UNC93A: variants seen among roughly 807,000 people sequenced by gnomAD.
UNC93A encodes the protein N-acetylglucosamine transporter UNC93A.
UNC93A carries 43 observed loss-of-function variants against 47.5 expected under a neutral mutation model. That is an observed-to-expected ratio of 0.91 (90% CI 0.71 to 1.17). UNC93A has a LOEUF of 1.17. Among genes scored for constraint, UNC93A ranks in the 50% most tolerant of loss-of-function variants. The pLI is 0.00. For missense variants in UNC93A, 605 were observed against 577.6 expected (o/e 1.05, Z -0.49); for synonymous variants, 280 against 258.0 (o/e 1.09, Z -0.82).
intron 5 of UNC93A, among the ~76,000 whole-genome samples, chr6:167,305,283 G>A (rs1236612906): frequency 6.6e-6 from 1 of 152,214 alleles, no homozygotes; most frequent in African/African-American, 2.4e-5. Flanking sequence ...AATCTTAGGA[G>A]CTTAAAAGAG....
At chr6:167,298,214 A>T in intron 4 of UNC93A, 144 bp downstream of exon 4, 1 of 1,294,944 alleles carries the variant, frequency 7.7e-7, no homozygotes, top group Non-Finnish European at 1.0e-6. Flanking sequence ...GGTCTGGATT[A>T]TATGCAGGCG....
chr6:167,305,908 T>C lies in UNC93A; in HGVS notation c.841-7T>C. On this transcript the variant is annotated splice_region_variant and splice_polypyrimidine_tract_variant and intron_variant, in intron 5 of 7. Coordinates refer to ENST00000230256, the MANE Select transcript of UNC93A (RefSeq NM_018974.4). ...TCCATGACGTGGCTCTGCACCCCTC[T>C]CCCCAGTCCTATGTCACCTGCACCC... 6.2e-7 allele frequency: 1 copy of C among 1,614,036 alleles called. No homozygotes were observed. Among genetic ancestry groups the C allele is most frequent in the African/African-American group, 1.3e-5 (1 of 75,002 alleles).
At position 167,291,503 on chromosome 6, in the gene UNC93A, T is replaced by A; in HGVS notation, c.14T>A (p.Leu5Gln). Reference protein sequence around the residue: MDRSLRNVLVVSFGF... With the variant: MDRSQRNVLVVSFGF... ...TCATCCAGCACAATGGACAGAAGTC[T>A]AAGGAACGTCCTTGTGGTTTCCTTT... Residue 5 changes from leucine (L) to glutamine (Q), a missense_variant, in exon 1 of 8, where the codon CTA becomes CAA. By Grantham distance (113) the Leu-to-Gln change is moderately radical. Coordinates refer to ENST00000230256, the MANE Select transcript of UNC93A (RefSeq NM_018974.4). 6.2e-7 allele frequency: 1 copy of A among 1,613,988 alleles called. No individual in the cohort carries two copies. The highest frequency in any genetic ancestry group is 1.1e-5 in the South Asian group (1 of 90,998).
chr6:167,307,656 G>GGTTCCAGAGGACA (rs540016010), intron 6 of UNC93A, 123 bp from the exon 7 acceptor site: 1 of 1,133,466 alleles, frequency 8.8e-7, no homozygotes, highest in Admixed American at 2.3e-5. Flanking sequence ...TGGTTGAGAC[G>GGTTCCAGAGGACA]GTTCCAGAGG....
intron 5 of UNC93A, 88 bp from the exon 6 acceptor site, chr6:167,305,827 A>T: frequency 6.3e-7 from 1 of 1,582,780 alleles, no homozygotes; most frequent in Non-Finnish European, 8.6e-7. Flanking sequence ...ATCTCAGAGC[A>T]GATGTTCTAA....
upstream of UNC93A, among the ~76,000 whole-genome samples, chr6:167,289,764 C>T (rs548461316): frequency 6.0e-5 from 9 of 150,702 alleles, no homozygotes; most frequent in Admixed American, 3.3e-4. Flanking sequence ...ACAGGTCATC[C>T]ATGGGAACTA....
intron 1 of UNC93A, among the ~76,000 whole-genome samples, chr6:167,285,938 T>TTC (rs138265267): frequency 0.14 from 18,088 of 131,468 alleles, 1,408 homozygotes; most frequent in African/African-American, 0.18. Flanking sequence ...TTAGTTTTCT[T>TTC]TCTCTCTCTC....
At chr6:167,272,985 G>C (rs551524848) in intron 1 of UNC93A, among the ~76,000 whole-genome samples, 1 of 151,848 alleles carries the variant, frequency 6.6e-6, no homozygotes, top group East Asian at 1.9e-4. Flanking sequence ...CCTGGCAGAG[G>C]AGGAGGTTCA....
intron 1 of UNC93A, among the ~76,000 whole-genome samples, chr6:167,292,928 G>A (rs75500408): frequency 0.039 from 5,970 of 152,140 alleles, 179 homozygotes; most frequent in South Asian, 0.11. Flanking sequence ...AGCTCCCCTG[G>A]GGTCAGCATT....
At chr6:167,295,783 G>A (rs188748517) in intron 2 of UNC93A, among the ~76,000 whole-genome samples, 3 of 152,182 alleles carry the variant, frequency 2.0e-5, no homozygotes, top group South Asian at 2.1e-4. Flanking sequence ...AATCGCATCC[G>A]ATACAAGGAG....
chr6:167,291,859 C>G (rs538483169), intron 1 of UNC93A, among the ~76,000 whole-genome samples: 2 of 152,178 alleles, frequency 1.3e-5, no homozygotes, highest in Non-Finnish European at 2.9e-5. Flanking sequence ...ACATTCTTTG[C>G]CTTTGGGTGG....
chr6:167,312,694 T>C (rs7744347), intron 7 of UNC93A, among the ~76,000 whole-genome samples: 1 of 152,254 alleles, frequency 6.6e-6, no homozygotes, highest in South Asian at 2.1e-4. Flanking sequence ...CTTTTACATG[T>C]GTACAGTCAT....
At position 167,307,870 on chromosome 6, in the gene UNC93A, G is replaced by T; in HGVS notation, c.1068G>T (p.Leu356=). ...HLAVFFVFSG[L]WGVADAVWQT... ...CAGTGTTCTTCGTATTCTCTGGCCTGTGGGGCGTGGCAGATGCCGTCTGGC... is the reference window on the plus strand; with the variant it reads ...CAGTGTTCTTCGTATTCTCTGGCCTTTGGGGCGTGGCAGATGCCGTCTGGC... Residue 356 remains leucine (L), a synonymous_variant, in exon 7 of 8, where the codon CTG becomes CTT. Coordinates refer to ENST00000230256, the MANE Select transcript of UNC93A (RefSeq NM_018974.4). 3.7e-6 allele frequency: 6 copies of T among 1,614,006 alleles called. No individual in the cohort carries two copies. Among genetic ancestry groups the T allele is most frequent in the Non-Finnish European group, 5.1e-6 (6 of 1,179,916 alleles).
intron 1 of UNC93A, among the ~76,000 whole-genome samples, chr6:167,276,796 G>A (rs543702840): frequency 9.9e-5 from 15 of 152,214 alleles, no homozygotes; most frequent in Non-Finnish European, 2.2e-4. Flanking sequence ...GCATTCTTTA[G>A]AATTTAGGAA....
chr6:167,291,374 T>G lies in UNC93A; in HGVS notation c.-116T>G. ...TCTAACATTTCACCTCTAGCTCAGA[T>G]GAGAGAGAGAATGGGACTTCTTGGT... On this transcript the variant is annotated 5_prime_UTR_variant, in exon 1 of 8. The change abolishes an upstream ATG in the 5' untranslated region. Transcript: ENST00000230256. 1.8e-4 allele frequency: 145 copies of G among 805,180 alleles called. No individual in the cohort carries two copies. Among genetic ancestry groups the G allele is most frequent in the Middle Eastern group, 2.6e-4 (1 of 3,828 alleles). The allele number at this position is 805,180 out of a possible 1,614,324, so 49.9% of individuals were successfully genotyped here.
At chr6:167,270,358 T>A (rs397728), upstream of UNC93A, among the ~76,000 whole-genome samples, 2 of 151,802 alleles carry the variant, frequency 1.3e-5, no homozygotes, top group Non-Finnish European at 2.9e-5. Flanking sequence ...CAAACTGGCC[T>A]TAACTATGAG....
upstream of UNC93A, among the ~76,000 whole-genome samples, chr6:167,288,363 C>T (rs407396): frequency 0.039 from 5,854 of 150,946 alleles, 183 homozygotes; most frequent in East Asian, 0.077. Context: ...GGTCAGCCCC[C>T]GCCAAGATTT....
At chr6:167,297,782 G>A (rs187509816) in intron 3 of UNC93A, among the ~76,000 whole-genome samples, 163 bp from the exon 4 acceptor site, 28 of 152,194 alleles carry the variant, frequency 1.8e-4, no homozygotes, top group Admixed American at 1.3e-4. Context: ...GCCTAGACTC[G>A]ATCTAAATCT....
intron 7 of UNC93A, among the ~76,000 whole-genome samples, chr6:167,309,181 G>A (rs1583093674): frequency 6.6e-6 from 1 of 152,284 alleles, no homozygotes; most frequent in East Asian, 1.9e-4. Flanking sequence ...AGCCGAGATC[G>A]CACCACTGCA....
Sources: allele counts gnomAD v4.1 joint callset (sites outside exome capture counted in the v4.1 genomes callset), GRCh38; gene constraint gnomAD v4.1.1; transcripts MANE v1.5; gene names NCBI Gene and HGNC (gene_info 2026-07-23, HGNC 2026-07-21).